Variants in DMXL1 observed in about 807,000 individuals in gnomAD.
DMXL1 encodes Dmx like 1, also known as dmX-like protein 1.
DMXL1 carries 99 observed loss-of-function variants against 319.2 expected under a neutral mutation model. The observed-to-expected ratio is 0.31, with a 90% CI of 0.26 to 0.37. DMXL1 has a LOEUF of 0.37. DMXL1 is among the 10% of genes least tolerant of loss of function. The pLI is 1.00. For synonymous variants in DMXL1, 1,385 were observed against 1,235.2 expected, an observed-to-expected ratio of 1.12 and a Z score of -2.54; for missense variants, 3,745 against 3,595.6, an observed-to-expected ratio of 1.04 and a Z score of -1.06.
intron 26 of DMXL1, among the ~76,000 whole-genome samples, chr5:119,176,837 A>G (rs1775895352): frequency 6.6e-6 from 1 of 152,026 alleles, no homozygotes; most frequent in East Asian, 1.9e-4. Flanking sequence ...GAATTCTCAA[A>G]TTGTGTGAAA....
intron 8 of DMXL1, 115 bp from the exon 9 acceptor site, chr5:119,120,856 A>T: frequency 1.2e-6 from 1 of 833,128 alleles, no homozygotes; most frequent in Non-Finnish European, 1.7e-6. Context: ...TTTTACATAT[A>T]AAACATGTAA....
intron 15 of DMXL1, among the ~76,000 whole-genome samples, chr5:119,145,266 A>C (rs1240284533): frequency 6.6e-6 from 1 of 151,682 alleles, no homozygotes; most frequent in Non-Finnish European, 1.5e-5. Flanking sequence ...TATCTTCTCC[A>C]TTTGTTCAGA....
intron 31 of DMXL1, among the ~76,000 whole-genome samples, chr5:119,197,497 T>G (rs1414591922): frequency 4.6e-5 from 7 of 152,160 alleles, no homozygotes; most frequent in African/African-American, 1.7e-4. Context: ...TTCAGATACA[T>G]TTTTCTGGTA....
chr5:119,122,553 G>A (rs1456899882), intron 9 of DMXL1, among the ~76,000 whole-genome samples: 1 of 151,266 alleles, frequency 6.6e-6, no homozygotes, highest in Non-Finnish European at 1.5e-5. Context: ...AGATGGGGCG[G>A]CTGCCGGGCG....
At chr5:119,160,121 GTTGT>G (rs372754367) in intron 19 of DMXL1, among the ~76,000 whole-genome samples, 1 of 151,760 alleles carries the variant, frequency 6.6e-6, no homozygotes, top group East Asian at 1.9e-4. Flanking sequence ...ATAATAGTAG[GTTGT>G]TTATTTGACA....
At chr5:119,122,011 C>T (rs1487488349) in intron 9 of DMXL1, among the ~76,000 whole-genome samples, 53 of 142,800 alleles carry the variant, frequency 3.7e-4, no homozygotes, top group African/African-American at 1.2e-3. Context: ...CCTCACCTCC[C>T]GGACGGGGCG....
intron 1 of DMXL1, among the ~76,000 whole-genome samples, chr5:119,075,351 T>C (rs1002695497): frequency 1.3e-5 from 2 of 151,826 alleles, no homozygotes; most frequent in South Asian, 4.2e-4. Flanking sequence ...GCTGTTCTCG[T>C]GCCTCTGCCT....
intron 3 of DMXL1, among the ~76,000 whole-genome samples, chr5:119,104,564 G>A (rs996179698): frequency 6.6e-6 from 1 of 152,088 alleles, no homozygotes; most frequent in African/African-American, 2.4e-5. Context: ...GCCACAACCC[G>A]AATTTAAAAA....
At chr5:119,141,398 A>T (rs1469353991) in intron 13 of DMXL1, among the ~76,000 whole-genome samples, 1 of 152,232 alleles carries the variant, frequency 6.6e-6, no homozygotes, top group Non-Finnish European at 1.5e-5. Context: ...CAGCTTCAGT[A>T]AAGTTTCAGG....
At chr5:119,161,708 A>G (rs1429799762) in intron 19 of DMXL1, among the ~76,000 whole-genome samples, 2 of 151,834 alleles carry the variant, frequency 1.3e-5, no homozygotes, top group African/African-American at 4.8e-5. Flanking sequence ...TTGCTGAAAT[A>G]TGCTGAGGTA....
intron 28 of DMXL1, among the ~76,000 whole-genome samples, chr5:119,186,546 C>T (rs1777751565): frequency 6.6e-6 from 1 of 152,136 alleles, no homozygotes; most frequent in Non-Finnish European, 1.5e-5. Flanking sequence ...TTTCATTGTG[C>T]TGATTTTAAA....
At chr5:119,172,295 AACTT>A (rs1469736010) in intron 25 of DMXL1, among the ~76,000 whole-genome samples, 3 of 152,176 alleles carry the variant, frequency 2.0e-5, no homozygotes, top group African/African-American at 7.2e-5. Context: ...TAAATATAGA[AACTT>A]AATATTTTAA....
rs202223008 is a variant in DMXL1, at chr5:119,193,839, C to T, written c.7326C>T (p.Pro2442=). ...TTTCTTTATTTTAGCCTTTTCTACC[C>T]TCTTCTCAAAGTAGAGCCGAATATG... ...WDYFIAKPFL[P]SSQSRAEYDS... is the part of the protein sequence containing the mutation. Residue 2442 remains proline, a synonymous_variant, in exon 30 of 44, where the codon CCC becomes CCT. Transcript: ENST00000539542. The T allele has an allele frequency of 2.1e-5, 34 of 1,612,100 alleles. No individual in the cohort carries two copies. The highest frequency in any genetic ancestry group is 4.0e-5 in the African/African-American group (3 of 74,934).
chr5:119,073,320 C>T (rs1750073490), intron 1 of DMXL1, among the ~76,000 whole-genome samples: 2 of 152,134 alleles, frequency 1.3e-5, no homozygotes, highest in African/African-American at 4.8e-5. Flanking sequence ...CTTCAGCCTC[C>T]CAAAATGCTA....
At chr5:119,224,549 A>G (rs1030709605) in intron 37 of DMXL1, among the ~76,000 whole-genome samples, 160 bp from the exon 38 acceptor site, 1 of 152,034 alleles carries the variant, frequency 6.6e-6, no homozygotes, top group Non-Finnish European at 1.5e-5. Context: ...GAGCTGCACT[A>G]TTAAATTTCT....
In DMXL1 at chr5:119,219,672, A is replaced by G. The variant is rs1421111613; in HGVS notation, c.8014-800A>G. Among the ~76,000 whole-genome samples, 6 of 152,124 alleles carry G rather than the reference A, an allele frequency of 3.9e-5. No homozygotes were observed. The East Asian group carries it at 7.7e-4, about 20-fold the overall frequency. ...AGCCTCGACCTCCTGGGCTCAAGCA[A>G]TCGTTTCACCTCATTCTCCCAAGTA... On this transcript the variant is annotated intron_variant, in intron 35 of 43. Coordinates refer to ENST00000539542, the MANE Select transcript of DMXL1 (RefSeq NM_001290321.3).
intron 1 of DMXL1, among the ~76,000 whole-genome samples, chr5:119,092,441 A>G (rs1270192741): frequency 2.0e-5 from 3 of 152,096 alleles, no homozygotes; most frequent in Non-Finnish European, 4.4e-5. Context: ...TTTGGAGGCA[A>G]GTGAAACACC....
chr5:119,079,443 A>T (rs1353709796), intron 1 of DMXL1, among the ~76,000 whole-genome samples: 4 of 152,230 alleles, frequency 2.6e-5, no homozygotes, highest in Non-Finnish European at 5.9e-5. Context: ...TTTCTAAAAC[A>T]TGCTTAAAAT....
At chr5:119,209,726 T>C (rs746820733) in intron 34 of DMXL1, among the ~76,000 whole-genome samples, 2 of 152,184 alleles carry the variant, frequency 1.3e-5, no homozygotes, top group Non-Finnish European at 2.9e-5. Context: ...GTAGTAGTAG[T>C]TCATTGTGGT....
Sources: allele counts gnomAD v4.1 joint callset (sites outside exome capture counted in the v4.1 genomes callset), GRCh38; gene constraint gnomAD v4.1.1; transcripts MANE v1.5; gene names NCBI Gene and HGNC (gene_info 2026-07-23, HGNC 2026-07-21).